Variants in RNF44 observed in about 807,000 individuals in gnomAD.
RNF44 encodes ring finger protein 44.
A neutral mutation model predicts 53.6 loss-of-function variants in RNF44; 25 were observed. The ratio of observed to expected loss-of-function variants is 0.47; its 90% CI spans 0.34 to 0.65. RNF44 has a LOEUF of 0.65. RNF44 is among the 30% of genes least tolerant of loss of function. The pLI is 0.01. For synonymous variants in RNF44, 282 were observed against 252.2 expected (o/e 1.12, Z -1.12); for missense variants, 581 against 595.5 (o/e 0.98, Z 0.25).
the RNF44 span, among the ~76,000 whole-genome samples, chr5:176,543,158 C>T: frequency 6.6e-6 from 1 of 150,722 alleles, no homozygotes; most frequent in African/African-American, 2.4e-5. The surrounding 1 kb of genome is among the most constrained non-coding windows in gnomAD (Gnocchi z 4.0). Flanking sequence ...GGCGGGAAGA[C>T]CCCGCGTGCG....
At position 176,528,529 on chromosome 5, in the gene RNF44, C is replaced by T. The variant is rs930127671; in HGVS notation, c.*499G>A. The T allele has an allele frequency of 8.2e-5, 13 of 159,072 alleles. No homozygotes were observed. The highest frequency in any genetic ancestry group is 1.6e-4 in the Non-Finnish European group (12 of 72,782). The allele number at this position is 159,072 out of a possible 1,614,324, so 9.9% of individuals were successfully genotyped here. On this transcript the variant is annotated 3_prime_UTR_variant, in exon 11 of 11. Transcript: ENST00000274811. ...GCTGCCTGAGTTCACTGTTCGGGGT[C>T]AAGGAGGGGGGATTCAGCCCTGGGG... is the stretch of plus-strand genomic sequence containing the variant.
At chr5:176,534,019 T>C (rs1426136502) in intron 1 of RNF44, among the ~76,000 whole-genome samples, 1 of 152,220 alleles carries the variant, frequency 6.6e-6, no homozygotes, top group East Asian at 1.9e-4. Context: ...AGTTCCTTCC[T>C]GCCAACAGCG....
upstream of RNF44, among the ~76,000 whole-genome samples, chr5:176,540,749 A>C (rs1757428086): frequency 6.6e-6 from 1 of 152,202 alleles, no homozygotes; most frequent in South Asian, 2.1e-4. Flanking sequence ...GGAAACCCTC[A>C]GTAAATCCCC....
At chr5:176,542,024 C>G (rs1041862475), upstream of RNF44, among the ~76,000 whole-genome samples, 2 of 152,072 alleles carry the variant, frequency 1.3e-5, no homozygotes, top group Non-Finnish European at 2.9e-5. Flanking sequence ...TTCTGGCTCC[C>G]TTAAGTGGCT....
rs1285436965 is a variant in RNF44, at chr5:176,528,106, T to C, written c.*922A>G. The C allele has an allele frequency of 6.6e-6, 1 of 152,156 alleles. No homozygotes were observed. Among genetic ancestry groups the C allele is most frequent in the Non-Finnish European group, 1.5e-5 (1 of 67,938 alleles). The allele number at this position is 152,156 out of a possible 1,614,324, so 9.4% of individuals were successfully genotyped here. On this transcript the variant is annotated 3_prime_UTR_variant, in exon 11 of 11. Transcript: ENST00000274811. ...GCATGCAGGCCGGCCAGCATGACCG[T>C]GCTCGGCCCCCTGGGCACTCGGTCC...
At position 176,530,453 on chromosome 5, in the gene RNF44, C is replaced by T. The variant is rs1002534001; in HGVS notation, c.801+129G>A. On this transcript the variant is annotated intron_variant, in intron 6 of 10. Transcript: ENST00000274811. ...CAGCAGGCCTGCCTCCCAGCCGCCC[C>T]GGAGCCCACGTGCAAGTCAGCCCGG... The T allele has an allele frequency of 1.3e-4, 148 of 1,119,612 alleles. 1 individual carries two copies. Among genetic ancestry groups the T allele is most frequent in the Middle Eastern group, 1.2e-3 (4 of 3,252 alleles). The allele number at this position is 1,119,612 out of a possible 1,614,324, so 69.4% of individuals were successfully genotyped here.
In RNF44 at chr5:176,532,103, G is replaced by A. The variant is rs770058682; in HGVS notation, c.198C>T (p.Pro66=). ...GAGCCGAGGCTCGGCGCTCCTCTAC[G>A]GGGAGGTGTGGAGGTCGGGACGGCG... ...QQPPSRPPHL[P]VEERRASAPA... The change falls in exon 3 of 11, where the codon CCC becomes CCT. Residue 66 remains proline, a synonymous_variant. Transcript: ENST00000274811. 25 of 1,596,152 alleles carry A rather than the reference G, an allele frequency of 1.6e-5. No homozygotes were observed. Among genetic ancestry groups the A allele is most frequent in the South Asian group, 2.3e-5 (2 of 88,644 alleles).
chr5:176,534,183 T>C (rs1756961612), intron 1 of RNF44, among the ~76,000 whole-genome samples: 1 of 152,212 alleles, frequency 6.6e-6, no homozygotes, highest in Admixed American at 6.5e-5. Context: ...ATGTGAGAAA[T>C]GTGCACGGAA....
rs746202786 is a variant in RNF44, at chr5:176,532,188, C to T, written c.113G>A (p.Gly38Asp). The T allele has an allele frequency of 2.0e-6, 3 of 1,524,670 alleles. No homozygotes were observed. Among genetic ancestry groups the T allele is most frequent in the East Asian group, 4.7e-5 (2 of 42,928 alleles). 94.4% of individuals were successfully genotyped at this position (1,524,670 alleles called of 1,614,324 possible). Residue 38 changes from glycine (G) to aspartate (D), a missense_variant, in exon 3 of 11, where the codon GGC becomes GAC. Around this residue, in one of 3 missense-constraint regions of RNF44, gnomAD observed 387 missense variants for 366.0 expected, o/e 1.06. Coordinates refer to ENST00000274811, the MANE Select transcript of RNF44 (RefSeq NM_014901.5). The part of the protein sequence containing the change: ...STPGQLWGSP[G>D]LEGPLASPPA... ...CGGGCTGGCCAGGGGGCCCTCGAGG[C>T]CAGGGCTGCACCACAGAGAGGAGGC...
At position 176,530,754 on chromosome 5, in the gene RNF44, C is replaced by G. The variant is rs1756578136; in HGVS notation, c.640-11G>C. On this transcript the variant is annotated splice_polypyrimidine_tract_variant and intron_variant, in intron 5 of 10. Transcript: ENST00000274811. ...GAGCCGCTGGAGGGGCTGGAAGAAC[C>G]AGCGCCGGGTCAGCAAGTCAGTGAG... is the stretch of plus-strand genomic sequence containing the variant. 6.6e-7 allele frequency: 1 copy of G among 1,523,548 alleles called. No individual in the cohort carries two copies. The highest frequency in any genetic ancestry group is 1.4e-5 in the African/African-American group (1 of 70,040). The allele number at this position is 1,523,548 out of a possible 1,614,324, so 94.4% of individuals were successfully genotyped here.
chr5:176,537,912 C>CA (rs1757333667), upstream of RNF44: 3 of 152,210 alleles, frequency 2.0e-5, no homozygotes, highest in Non-Finnish European at 4.4e-5. Flanking sequence ...GACATCATGG[C>CA]CCGGCCGCCC....
At position 176,531,357 on chromosome 5, in the gene RNF44, G is replaced by T; in HGVS notation, c.465+106C>A. On this transcript the variant is annotated intron_variant, in intron 4 of 10. Transcript: ENST00000274811. The surrounding 1 kb of genome is among the most constrained non-coding windows in gnomAD (Gnocchi z 4.2). ...AGGCAGGCGCTCTGACAGCCTGGAT[G>T]GCTGGATAGCTCAGCCCAGTTCAGG... The T allele has an allele frequency of 1.8e-6, 2 of 1,130,034 alleles. No homozygotes were observed. Among genetic ancestry groups the T allele is most frequent in the Non-Finnish European group, 1.2e-6 (1 of 813,970 alleles). 70.0% of individuals were successfully genotyped at this position (1,130,034 alleles called of 1,614,324 possible).
chr5:176,532,973 G>A (rs1310854600), intron 1 of RNF44, among the ~76,000 whole-genome samples: 1 of 152,148 alleles, frequency 6.6e-6, no homozygotes, highest in African/African-American at 2.4e-5. Context: ...ATGGGACCCA[G>A]TCCCCCTCAG....
upstream of RNF44, among the ~76,000 whole-genome samples, chr5:176,542,187 GATA>G (rs1486643019): frequency 1.3e-5 from 2 of 152,166 alleles, no homozygotes; most frequent in Non-Finnish European, 2.9e-5. Flanking sequence ...TCGGGTGATC[GATA>G]ATAACTAGGC....
At chr5:176,535,924 A>C (rs1757117096) in intron 1 of RNF44, 2 of 152,052 alleles carry the variant, frequency 1.3e-5, no homozygotes, top group Non-Finnish European at 2.9e-5. Context: ...TGCATTTTGC[A>C]GTTAACATAA....
In RNF44 at chr5:176,528,691, C is replaced by T. The variant is rs1238593825; in HGVS notation, c.*337G>A. ...TGCCCATCCTGGGGCCAAGGATCTCCACCGGCCCCACTGAGGGAGCGGACC... is the reference window on the plus strand; with the variant it reads ...TGCCCATCCTGGGGCCAAGGATCTCTACCGGCCCCACTGAGGGAGCGGACC... On this transcript the variant is annotated 3_prime_UTR_variant, in exon 11 of 11. Transcript: ENST00000274811. The T allele has an allele frequency of 2.6e-6, 1 of 385,116 alleles. No homozygotes were observed. Among genetic ancestry groups the T allele is most frequent in the Non-Finnish European group, 4.8e-6 (1 of 209,730 alleles). 23.9% of individuals were successfully genotyped at this position (385,116 alleles called of 1,614,324 possible).
chr5:176,531,034 G>A lies in RNF44; in HGVS notation c.466-13C>T, dbSNP rs909780549. On this transcript the variant is annotated splice_polypyrimidine_tract_variant and intron_variant, in intron 4 of 10. Coordinates refer to ENST00000274811, the MANE Select transcript of RNF44 (RefSeq NM_014901.5). The surrounding 1 kb of genome is among the most constrained non-coding windows in gnomAD (Gnocchi z 4.2). ...ACGCCTGGATAAGCTGCCAAGAGAG[G>A]GGGCAGGGGGCTGAGAACGTTCTCC... The A allele has an allele frequency of 7.0e-7, 1 of 1,436,230 alleles. No homozygotes were observed. Among genetic ancestry groups the A allele is most frequent in the African/African-American group, 1.5e-5 (1 of 68,338 alleles). The allele number at this position is 1,436,230 out of a possible 1,614,324, so 89.0% of individuals were successfully genotyped here. A position where few individuals can be genotyped will look rare whatever the true frequency, so the allele number is the denominator to read the frequency against.
chr5:176,534,235 C>A (rs998728943), intron 1 of RNF44, among the ~76,000 whole-genome samples: 14 of 152,238 alleles, frequency 9.2e-5, no homozygotes, highest in Non-Finnish European at 1.9e-4. Flanking sequence ...AGTCTGGCAG[C>A]AATGCCAACA....
In RNF44 at chr5:176,531,308, C is replaced by T. The variant is rs972641757; in HGVS notation, c.465+155G>A. 2.0e-5 allele frequency among the ~76,000 whole-genome samples: 3 copies of T among 152,216 alleles called. No individual in the cohort carries two copies. The highest frequency in any genetic ancestry group is 4.4e-5 in the Non-Finnish European group (3 of 68,034). On this transcript the variant is annotated intron_variant, in intron 4 of 10. Coordinates refer to ENST00000274811, the MANE Select transcript of RNF44 (RefSeq NM_014901.5). This position sits in a 1 kb window ranked among gnomAD's most constrained non-coding sequence, Gnocchi z 4.2. ...AACACTCTATTACCAAATGTGAACA[C>T]GCGTATGCTTTCCTGGGGAGGCCAG...
Sources: gnomAD v4.1 joint callset for allele counts (sites outside exome capture counted in the v4.1 genomes callset) on GRCh38, gnomAD v4.1.1 for gene constraint, gnomAD v4.1.1 regional missense constraint, Gnocchi (gnomAD v3.1) non-coding constraint, MANE v1.5 for transcripts, NCBI Gene and HGNC (gene_info 2026-07-23, HGNC 2026-07-21) for gene names.